Variants in IL34 observed in about 807,000 individuals in gnomAD.
IL34 encodes the protein interleukin-34.
Under a neutral mutation model 25.3 loss-of-function variants are expected in IL34, and 17 were observed. That is an observed-to-expected ratio of 0.67 (90% CI 0.46 to 1.01). The LOEUF is 1.01. Ranked by LOEUF, IL34 falls within the 50% of genes least tolerant of loss-of-function variation. The probability of loss-of-function intolerance (pLI) is 0.00; values close to 1 mark genes in which losing one functional copy is unlikely to be tolerated. For missense variants in IL34, 368 were observed against 312.9 expected (o/e 1.18, Z -1.33); for synonymous variants, 174 against 140.9 (o/e 1.23, Z -1.66).
At chr16:70,607,750 C>CT (rs539322447) in intron 1 of IL34, among the ~76,000 whole-genome samples, 26 of 146,020 alleles carry the variant, frequency 1.8e-4, no homozygotes, top group East Asian at 6.1e-4. Flanking sequence ...TGTGGTTTTT[C>CT]TTTTTTTTTT....
chr16:70,621,726 A>T (rs1175547533), intron 1 of IL34, among the ~76,000 whole-genome samples: 3 of 152,088 alleles, frequency 2.0e-5, no homozygotes, highest in African/African-American at 7.2e-5. Context: ...GAAGGGAGAT[A>T]AGGGTGGGGC....
chr16:70,608,789 A>T (rs2051048905), intron 1 of IL34, among the ~76,000 whole-genome samples: 1 of 152,132 alleles, frequency 6.6e-6, no homozygotes, highest in Non-Finnish European at 1.5e-5. Flanking sequence ...TCATGGGTTC[A>T]GTGTGCAGAC....
At chr16:70,607,832 T>C (rs1316964137) in intron 1 of IL34, among the ~76,000 whole-genome samples, 1 of 152,046 alleles carries the variant, frequency 6.6e-6, no homozygotes, top group Non-Finnish European at 1.5e-5. Context: ...TGGCGTGATC[T>C]CGGCTCACTG....
chr16:70,646,066 T>C (rs186935226), upstream of IL34, among the ~76,000 whole-genome samples: 1,102 of 152,108 alleles, frequency 7.2e-3, 15 homozygotes, highest in African/African-American at 0.026. Flanking sequence ...AAAAAATTTT[T>C]TTTTTCTTAA....
upstream of IL34, among the ~76,000 whole-genome samples, chr16:70,645,108 AGGAGGAAGAAGAG>A (rs1359621410): frequency 6.9e-5 from 9 of 129,606 alleles, no homozygotes; most frequent in Non-Finnish European, 1.4e-4. Context: ...AGGGGGAAAG[AGGAGGAAGAAGAG>A]GGAGGAAGGA....
At chr16:70,653,724 AATTT>A (rs2052140098) in intron 1 of IL34, among the ~76,000 whole-genome samples, 1 of 152,056 alleles carries the variant, frequency 6.6e-6, no homozygotes, top group Non-Finnish European at 1.5e-5. Context: ...TTTTAATGTG[AATTT>A]ATTTATCTAG....
At chr16:70,617,574 C>T (rs2051192617) in intron 1 of IL34, among the ~76,000 whole-genome samples, 1 of 152,286 alleles carries the variant, frequency 6.6e-6, no homozygotes, top group South Asian at 2.1e-4. Flanking sequence ...CTTAAATGGG[C>T]TGTACCCCCT....
rs188859076 is a variant in IL34, at chr16:70,594,209, G to A, written c.-401+14160G>A. Among the ~76,000 whole-genome samples, 938 of 152,192 alleles carry A rather than the reference G, an allele frequency of 6.2e-3. 14 individuals carry two copies. Among genetic ancestry groups the A allele is most frequent in the African/African-American group, 0.021 (885 of 41,526 alleles). On this transcript the variant is annotated intron_variant, in intron 1 of 6. Coordinates refer to the IL34 transcript ENST00000429149. Reference sequence around the variant, plus strand: ...TGCATTGAATCTACAAAGTTGGGGAGAACAACCATCTTAACAATATTGAAT... The same window carrying A: ...TGCATTGAATCTACAAAGTTGGGGAAAACAACCATCTTAACAATATTGAAT...
chr16:70,620,769 T>G (rs111552242), intron 1 of IL34, among the ~76,000 whole-genome samples: 4,380 of 152,218 alleles, frequency 0.029, 236 homozygotes, highest in African/African-American at 0.1. Flanking sequence ...TTCTGGCTAT[T>G]TGGAACTACT....
At chr16:70,658,670 C>T (rs561376231) in intron 4 of IL34, among the ~76,000 whole-genome samples, 132 of 148,030 alleles carry the variant, frequency 8.9e-4, no homozygotes, top group East Asian at 8.2e-4. Context: ...GGGGTTCTGC[C>T]ATGTTGGTTA....
intron 1 of IL34, among the ~76,000 whole-genome samples, chr16:70,613,609 C>T (rs1371934847): frequency 6.6e-6 from 1 of 152,114 alleles, no homozygotes; most frequent in African/African-American, 2.4e-5. Context: ...AGTGGTGGCT[C>T]ACACCTGTAA....
chr16:70,609,961 T>G (rs1438502775), intron 1 of IL34, among the ~76,000 whole-genome samples: 1 of 152,122 alleles, frequency 6.6e-6, no homozygotes, highest in Admixed American at 6.5e-5. Context: ...CCCAGCACTT[T>G]GGGAGGCCAA....
Position 70,580,916 on chromosome 16 carries a change from A to AT in IL34, c.-401+880dup, listed in dbSNP as rs553621042. On this transcript the variant is annotated intron_variant, in intron 1 of 6. Coordinates refer to the IL34 transcript ENST00000429149. ...GAAGTGTTCTGCTTTTAAACTTTGCATTTTTTTTTTTTTGAGATGGAGTCT... is the reference window on the plus strand; with the variant it reads ...GAAGTGTTCTGCTTTTAAACTTTGCATTTTTTTTTTTTTTGAGATGGAGTCT... 5.2e-3 allele frequency among the ~76,000 whole-genome samples: 746 copies of AT among 144,342 alleles called. 2 individuals carry two copies. Among genetic ancestry groups the AT allele is most frequent in the South Asian group, 0.015 (67 of 4,566 alleles). The allele number at this position is 144,342 out of a possible 152,430, so 94.7% of individuals were successfully genotyped here.
chr16:70,627,310 G>C (rs1221620224), intron 1 of IL34, among the ~76,000 whole-genome samples: 1 of 152,008 alleles, frequency 6.6e-6, no homozygotes, highest in Non-Finnish European at 1.5e-5. Context: ...GAAGTATACA[G>C]CTTGATGAGC....
chr16:70,607,081 G>C (rs1340495670), intron 1 of IL34, among the ~76,000 whole-genome samples: 2 of 151,890 alleles, frequency 1.3e-5, no homozygotes, highest in African/African-American at 4.8e-5. Context: ...CAGTTTTATG[G>C]ATTCCTTAGG....
chr16:70,658,732 A>G (rs144531783), intron 4 of IL34, among the ~76,000 whole-genome samples: 1,817 of 152,126 alleles, frequency 0.012, 18 homozygotes, highest in African/African-American at 0.032. Context: ...CAGCCTCCCA[A>G]AGTGCTGGGA....
chr16:70,601,986 C>G (rs114854696), intron 1 of IL34, among the ~76,000 whole-genome samples: 5 of 152,314 alleles, frequency 3.3e-5, no homozygotes, highest in African/African-American at 1.2e-4. Flanking sequence ...CAAACCCATC[C>G]ATGGTGAAGT....
At chr16:70,633,223 C>G (rs2051559139) in intron 1 of IL34, among the ~76,000 whole-genome samples, 1 of 151,828 alleles carries the variant, frequency 6.6e-6, no homozygotes, top group South Asian at 2.1e-4. Flanking sequence ...CCTTGGCTTC[C>G]CAAAGTGCTG....
At chr16:70,646,064 T>G (rs1356300817), upstream of IL34, among the ~76,000 whole-genome samples, 1 of 151,958 alleles carries the variant, frequency 6.6e-6, no homozygotes, top group Non-Finnish European at 1.5e-5. Flanking sequence ...CAAAAAAATT[T>G]TTTTTTTCTT....
Sources: allele counts gnomAD v4.1 joint callset (sites outside exome capture counted in the v4.1 genomes callset), GRCh38; gene constraint gnomAD v4.1.1; transcripts MANE v1.5; gene names NCBI Gene and HGNC (gene_info 2026-07-23, HGNC 2026-07-21).